FAM228B: variants seen among roughly 807,000 people sequenced by gnomAD.
The protein encoded by FAM228B is protein FAM228B.
FAM228B carries 38 observed loss-of-function variants against 42.6 expected under a neutral mutation model. The observed-to-expected ratio is 0.89, with a 90% confidence interval of 0.69 to 1.17. The LOEUF is 1.17. Ranked by LOEUF, FAM228B falls within the 50% of genes most tolerant of loss-of-function variation. The pLI is 0.00. For synonymous variants in FAM228B, 109 were observed against 122.3 expected, an observed-to-expected ratio of 0.89 and a Z score of 0.72; for missense variants, 344 against 367.3, an observed-to-expected ratio of 0.94 and a Z score of 0.52.
At chr2:24,129,437 A>G (rs1274948487) in intron 2 of FAM228B, among the ~76,000 whole-genome samples, 1 of 147,652 alleles carries the variant, frequency 6.8e-6, no homozygotes, top group Non-Finnish European at 1.5e-5. Context: ...CCATTCTTTT[A>G]CTCCTCACTT....
At chr2:24,090,224 C>T (rs1339123938) in intron 2 of FAM228B, among the ~76,000 whole-genome samples, 1 of 151,062 alleles carries the variant, frequency 6.6e-6, no homozygotes, top group Non-Finnish European at 1.5e-5. Context: ...GCCGAGATTG[C>T]GCCACTGCAC....
In FAM228B at chr2:24,158,215, C is replaced by CTTTTTTTTTTTTTTTTTA. The variant is rs1335914110; in HGVS notation, c.687-3291_687-3290insTTTTTTTTTTTTTTTTTA. Among the ~76,000 whole-genome samples, 28 of 9,178 alleles carry CTTTTTTTTTTTTTTTTTA rather than the reference C, an allele frequency of 3.1e-3. 6 individuals are homozygous for CTTTTTTTTTTTTTTTTTA. The highest frequency in any genetic ancestry group is 4.4e-3 in the Admixed American group (3 of 676). 6.0% of individuals were successfully genotyped at this position (9,178 alleles called of 152,430 possible). On this transcript the variant is annotated intron_variant, in intron 7 of 10. Transcript: ENST00000615575. ...AACCTCCTTTTTTTTTTTTTTTTTCCAAAACATTGTTCCCAAGACTCTATT... is the reference window on the plus strand; with the variant it reads ...AACCTCCTTTTTTTTTTTTTTTTTCCTTTTTTTTTTTTTTTTTAAAAACATTGTTCCCAAGACTCTATT...
chr2:24,156,789 G>A lies in FAM228B; in HGVS notation c.687-4717G>A, dbSNP rs1343821515. On this transcript the variant is annotated intron_variant, in intron 7 of 10. Transcript: ENST00000615575. ...ATTTCTTTCCGCCCCCCCCCCCCCA[G>A]CTTTTTGTTTCATTTATCTTTTGTA... Among the ~76,000 whole-genome samples, 67 of 103,780 alleles carry A rather than the reference G, an allele frequency of 6.5e-4. 1 individual carries two copies. The highest frequency in any genetic ancestry group is 5.8e-4 in the East Asian group (2 of 3,464). The allele number at this position is 103,780 out of a possible 152,430, so 68.1% of individuals were successfully genotyped here.
At chr2:24,164,833 G>A (rs1027492077) in intron 9 of FAM228B, among the ~76,000 whole-genome samples, 1 of 152,088 alleles carries the variant, frequency 6.6e-6, no homozygotes, top group African/African-American at 2.4e-5. Context: ...GAGATTGCCA[G>A]CAGCAGAGAG....
intron 8 of FAM228B, among the ~76,000 whole-genome samples, chr2:24,163,161 G>A (rs1437577937): frequency 6.6e-6 from 1 of 152,158 alleles, no homozygotes. Flanking sequence ...CTAGGAGATC[G>A]GCTTACAATT....
chr2:24,109,007 A>C (rs982205484), intron 3 of FAM228B, among the ~76,000 whole-genome samples: 3 of 152,014 alleles, frequency 2.0e-5, no homozygotes, highest in Admixed American at 6.6e-5. Flanking sequence ...CACCTTACCC[A>C]ACTTCAAACT....
At chr2:24,141,199 C>T (rs1196621050) in intron 5 of FAM228B, among the ~76,000 whole-genome samples, 2 of 151,808 alleles carry the variant, frequency 1.3e-5, no homozygotes, top group Admixed American at 6.6e-5. Context: ...CTCAGCCTCC[C>T]GAGTAACTGG....
At chr2:24,138,197 C>A in intron 4 of FAM228B, 97 bp downstream of exon 4, 3 of 899,696 alleles carry the variant, frequency 3.3e-6, no homozygotes, top group Non-Finnish European at 5.1e-6. Flanking sequence ...CCTGTCCCCT[C>A]TACATATGTA....
intron 5 of FAM228B, among the ~76,000 whole-genome samples, chr2:24,144,856 C>A (rs972912405): frequency 6.6e-6 from 1 of 152,166 alleles, no homozygotes; most frequent in East Asian, 1.9e-4. Context: ...CACCCCCACC[C>A]GAGTACTCTG....
chr2:24,086,031 C>G (rs1013261072), intron 2 of FAM228B, among the ~76,000 whole-genome samples: 2 of 152,080 alleles, frequency 1.3e-5, no homozygotes, highest in Admixed American at 6.5e-5. Context: ...GTCAGGAGAT[C>G]GAGACCATCC....
upstream of FAM228B, chr2:24,122,404 C>T: frequency 6.4e-7 from 1 of 1,565,104 alleles, no homozygotes. Context: ...TAGGTCCAAA[C>T]TTGTTTTTTC....
intron 2 of FAM228B, among the ~76,000 whole-genome samples, chr2:24,093,486 C>G (rs1053720752): frequency 6.6e-6 from 1 of 152,102 alleles, no homozygotes; most frequent in Non-Finnish European, 1.5e-5. Flanking sequence ...TGAACTCACT[C>G]TTTTTTATGG....
At chr2:24,109,172 A>C (rs915640937) in intron 3 of FAM228B, among the ~76,000 whole-genome samples, 6 of 67,634 alleles carry the variant, frequency 8.9e-5, no homozygotes, top group African/African-American at 2.7e-4. Flanking sequence ...GAGTAATGGC[A>C]AAAAAAAAAA....
chr2:24,118,725 T>G (rs563004867), upstream of FAM228B, among the ~76,000 whole-genome samples: 1 of 152,172 alleles, frequency 6.6e-6, no homozygotes, highest in Non-Finnish European at 1.5e-5. Context: ...TAGAACAGCA[T>G]GTACAGAGGC....
chr2:24,101,252 T>G (rs1407025121), intron 3 of FAM228B, among the ~76,000 whole-genome samples: 1 of 152,186 alleles, frequency 6.6e-6, no homozygotes, highest in African/African-American at 2.4e-5. Context: ...CCCTAGAACT[T>G]AAAGTATAAT....
chr2:24,105,510 G>A (rs1665684235), intron 3 of FAM228B, among the ~76,000 whole-genome samples: 1 of 152,316 alleles, frequency 6.6e-6, no homozygotes, highest in South Asian at 2.1e-4. Context: ...CTACACAAAT[G>A]AGACAGAACT....
At chr2:24,093,573 C>T (rs374942571) in intron 2 of FAM228B, among the ~76,000 whole-genome samples, 24 of 151,544 alleles carry the variant, frequency 1.6e-4, no homozygotes, top group South Asian at 4.2e-4. Flanking sequence ...TGGGTTGGTT[C>T]GGTGTCTTTG....
chr2:24,151,922 G>T (rs1433406730), intron 7 of FAM228B, among the ~76,000 whole-genome samples: 2 of 152,096 alleles, frequency 1.3e-5, no homozygotes, highest in Non-Finnish European at 2.9e-5. Flanking sequence ...AGGCTGGAGT[G>T]CAGTGGCATG....
intron 7 of FAM228B, among the ~76,000 whole-genome samples, chr2:24,150,307 C>G (rs1341095029): frequency 6.6e-6 from 1 of 152,046 alleles, no homozygotes; most frequent in Non-Finnish European, 1.5e-5. Flanking sequence ...AATCCCTCAG[C>G]TTTTGTTTGT....
Sources: allele counts gnomAD v4.1 joint callset (sites outside exome capture counted in the v4.1 genomes callset), GRCh38; gene constraint gnomAD v4.1.1; transcripts MANE v1.5; gene names NCBI Gene and HGNC (gene_info 2026-07-23, HGNC 2026-07-21).